EIF2D: variants seen among roughly 807,000 people sequenced by gnomAD.
EIF2D encodes the protein hepatocellular carcinoma-associated antigen 56.
Under a neutral mutation model 77.4 loss-of-function variants are expected in EIF2D, and 56 were observed. The ratio of observed to expected loss-of-function variants is 0.72; its 90% CI spans 0.58 to 0.90. EIF2D has a LOEUF of 0.90. Among genes scored for constraint, EIF2D ranks in the 40% least tolerant of loss-of-function variants. The pLI is 0.00. For synonymous variants in EIF2D, 230 were observed against 271.0 expected (o/e 0.85, Z 1.49); for missense variants, 574 against 706.5 (o/e 0.81, Z 2.13).
intron 3 of EIF2D, 120 bp from the exon 4 acceptor site, chr1:206,608,446 C>G (rs782134114): frequency 8.5e-5 from 64 of 748,622 alleles, no homozygotes; most frequent in Non-Finnish European, 1.2e-4. Flanking sequence ...CTATGTTTTT[C>G]ATAATAAAAA....
chr1:206,593,864 G>A (rs2102276200), intron 13 of EIF2D, 71 bp from the exon 14 acceptor site: 1 of 1,397,326 alleles, frequency 7.2e-7, no homozygotes, highest in Admixed American at 2.1e-5. Context: ...GCCTTCCAGA[G>A]CCTCAGCAGC....
intron 5 of EIF2D, chr1:206,604,732 CA>C (rs11393350): frequency 0.42 from 43,042 of 101,392 alleles, 6,470 homozygotes; most frequent in South Asian, 0.51. Context: ...GACTCCATCT[CA>C]AAAAAAAAAA....
rs781946116 is a variant in EIF2D, at chr1:206,584,518, G to A, written c.139-3356C>T. 55 of 1,614,100 alleles carry A rather than the reference G, an allele frequency of 3.4e-5. 1 individual carries two copies. In the East Asian group the frequency reaches 1.1e-3, roughly 31 times the overall value. ...AGGAGGTGAACCTGGCGGCTACCAC[G>A]GACAAGCGGACATCCTTCTACCTGC... On this transcript the variant is annotated intron_variant and NMD_transcript_variant, in intron 2 of 5. Transcript: ENST00000472709. This position sits in a 1 kb window ranked among gnomAD's most constrained non-coding sequence, Gnocchi z 4.9.
chr1:206,608,853 A>G (rs1033309198), intron 3 of EIF2D, among the ~76,000 whole-genome samples: 4 of 152,230 alleles, frequency 2.6e-5, no homozygotes, highest in South Asian at 2.1e-4. Flanking sequence ...GAAGTTCGAG[A>G]CCAGCCTGGC....
intron 4 of EIF2D, among the ~76,000 whole-genome samples, chr1:206,577,915 G>C (rs193244996): frequency 6.6e-6 from 1 of 152,172 alleles, no homozygotes; most frequent in Non-Finnish European, 1.5e-5. Context: ...TGAGATGGAT[G>C]AGTCTACTTG....
At chr1:206,596,408 T>C (rs1412473492) in intron 12 of EIF2D, among the ~76,000 whole-genome samples, 1 of 152,266 alleles carries the variant, frequency 6.6e-6, no homozygotes, top group African/African-American at 2.4e-5. Flanking sequence ...TCTGCCATTA[T>C]AGCATAAAAC....
downstream of EIF2D, chr1:206,588,104 GCCTGGCCT>G (rs1553408065): frequency 6.5e-6 from 1 of 152,790 alleles, no homozygotes; most frequent in African/African-American, 2.4e-5. Context: ...GAGCCGGTGG[GCCTGGCCT>G]CCCCGTCGAC....
intron 4 of EIF2D, among the ~76,000 whole-genome samples, chr1:206,607,860 A>C (rs1196925613): frequency 6.6e-6 from 1 of 152,202 alleles, no homozygotes; most frequent in African/African-American, 2.4e-5. Context: ...TGCCAATGTT[A>C]ATTTCTTAGT....
rs1398710490 is a variant in EIF2D, at chr1:206,596,663, T to G, written c.1388+437A>C. Among the ~76,000 whole-genome samples, 6 of 152,210 alleles carry G rather than the reference T, an allele frequency of 3.9e-5. No individual in the cohort carries two copies. The East Asian group carries it at 9.6e-4, about 24-fold the overall frequency. The stretch of plus-strand genomic sequence containing the variant: ...AAGTTTTATTTTATTTTTTCTTATT[T>G]TTTTAAATGCCCTCACTTTAACAGA... On this transcript the variant is annotated intron_variant, in intron 12 of 14. Coordinates refer to ENST00000271764, the MANE Select transcript of EIF2D (RefSeq NM_006893.3).
At chr1:206,595,929 G>A in intron 12 of EIF2D, 91 bp from the exon 13 acceptor site, 1 of 1,537,580 alleles carries the variant, frequency 6.5e-7, no homozygotes, top group Non-Finnish European at 8.8e-7. Flanking sequence ...GGTGTAGGCT[G>A]AAATTGCAGG....
downstream of EIF2D, chr1:206,571,156 CTG>C (rs1248996235): frequency 6.6e-6 from 1 of 152,044 alleles, no homozygotes; most frequent in Non-Finnish European, 1.5e-5. Flanking sequence ...TGGTATCTCA[CTG>C]TGGTTTTGAT....
At position 206,602,416 on chromosome 1, in the gene EIF2D, AT is replaced by A; in HGVS notation, c.821del (p.His274LeufsTer3). 1 of 1,614,222 alleles carries A rather than the reference AT, an allele frequency of 6.2e-7. No individual in the cohort carries two copies. The highest frequency in any genetic ancestry group is 8.5e-7 in the Non-Finnish European group (1 of 1,180,026). On this transcript the variant is annotated frameshift_variant, in exon 7 of 15. Coordinates refer to ENST00000271764, the MANE Select transcript of EIF2D (RefSeq NM_006893.3). LOFTEE classifies it high-confidence loss of function. ...MDELLQQCFL[H>X]ALKCRVKKAD... ...CCTTTTTGACTCGGCACTTCAAGGC[AT>A]GTAAGAAGCATTGCTGTAACAGCTC...
Position 206,592,002 on chromosome 1 carries a change from A to G in EIF2D, c.1685-157T>C, listed in dbSNP as rs1669361746. On this transcript the variant is annotated intron_variant, in intron 14 of 14. Transcript: ENST00000271764. The surrounding 1 kb of genome is among the most constrained non-coding windows in gnomAD (Gnocchi z 4.7). ...CCTACACCTCACAGCTGATGTGTAT[A>G]TTTCTGAAATTTTCACACTGAGAGC... 6.6e-6 allele frequency among the ~76,000 whole-genome samples: 1 copy of G among 152,194 alleles called. No homozygotes were observed.
chr1:206,577,269 G>A (rs1413954839), intron 4 of EIF2D, among the ~76,000 whole-genome samples: 1 of 152,178 alleles, frequency 6.6e-6, no homozygotes, highest in Non-Finnish European at 1.5e-5. Context: ...CTGGTGCAGA[G>A]AAAGGAATTA....
At chr1:206,610,868 TTCC>T (rs1553413789) in intron 2 of EIF2D, among the ~76,000 whole-genome samples, 1 of 152,208 alleles carries the variant, frequency 6.6e-6, no homozygotes, top group Non-Finnish European at 1.5e-5. Context: ...CTCTGCTCTA[TTCC>T]TAGTCAACCC....
rs1669018313 is a variant in EIF2D at position 206,584,368 on chromosome 1, G to A, written c.139-3206C>T. The A allele has an allele frequency of 6.3e-7, 1 of 1,597,336 alleles. No homozygotes were observed. The highest frequency in any genetic ancestry group is 8.5e-7 in the Non-Finnish European group (1 of 1,170,840). On this transcript the variant is annotated intron_variant and NMD_transcript_variant, in intron 2 of 5. Transcript: ENST00000472709. The surrounding 1 kb of genome is among the most constrained non-coding windows in gnomAD (Gnocchi z 4.9). ...AAGGCGGACGGCCCTGACCCCCTGT[G>A]ACATGCCCCCGCTGGCAGAGTGAAG...
Position 206,602,958 on chromosome 1 carries a change from C to G in EIF2D, c.777G>C (p.Thr259=), listed in dbSNP as rs782480263. The G allele has an allele frequency of 4.0e-5, 64 of 1,614,002 alleles. No homozygotes were observed. Among genetic ancestry groups the G allele is most frequent in the Non-Finnish European group, 5.4e-5 (64 of 1,179,986 alleles). The change falls in exon 6 of 15, where the codon ACG becomes ACC. Residue 259 remains threonine (T), a synonymous_variant. Coordinates refer to ENST00000271764, the MANE Select transcript of EIF2D (RefSeq NM_006893.3). ...GLNQDSTDSK[T]LQEQMDELLQ... ...CTCCTCCTAGAGTTATACCTTGAAG[C>G]GTTTTGCTATCTGTGGAGTCTTGGT...
At chr1:206,587,232 T>TC, downstream of EIF2D, 1 of 441,380 alleles carries the variant, frequency 2.3e-6, no homozygotes, top group Non-Finnish European at 4.2e-6. Flanking sequence ...GCTGACGTCC[T>TC]CTCTCGATCT....
chr1:206,581,370 G>C (rs561831581), intron 2 of EIF2D, among the ~76,000 whole-genome samples: 5 of 152,162 alleles, frequency 3.3e-5, no homozygotes, highest in Non-Finnish European at 7.3e-5. Flanking sequence ...GGCCAAGGCG[G>C]ATGGATCATT....
Sources: allele counts gnomAD v4.1 joint callset (sites outside exome capture counted in the v4.1 genomes callset), GRCh38; gene constraint gnomAD v4.1.1; non-coding constraint Gnocchi (gnomAD v3.1); transcripts MANE v1.5; gene names NCBI Gene and HGNC (gene_info 2026-07-23, HGNC 2026-07-21).